The following CYP3A4 variants were observed in gnomAD, a reference collection of about 807,000 sequenced individuals.
The protein encoded by CYP3A4 is cytochrome P450 family 3 subfamily A member 4, also known as cytochrome P450 3A4.
A neutral mutation model predicts 54.9 loss-of-function variants in CYP3A4; 41 were observed. That is an observed-to-expected ratio of 0.75 (90% CI 0.58 to 0.97). The LOEUF (loss-of-function observed/expected upper bound fraction) is 0.97, where lower values mean the gene tolerates loss of function less well. CYP3A4 is among the 50% of genes least tolerant of loss of function. CYP3A4 has a pLI of 0.00. For synonymous variants in CYP3A4, 179 were observed against 205.2 expected (o/e 0.87, Z 1.09); for missense variants, 510 against 597.3 (o/e 0.85, Z 1.52).
At chr7:99,768,708 G>C in intron 6 of CYP3A4, among the ~76,000 whole-genome samples, 1 of 152,122 alleles carries the variant, frequency 6.6e-6, no homozygotes, top group South Asian at 2.1e-4. Context: ...GTGTGATGGA[G>C]ACACTGAACT....
chr7:99,768,444 C>A lies in CYP3A4; in HGVS notation c.580G>T (p.Asp194Tyr), dbSNP rs548684407. 1 of 1,613,996 alleles carries A rather than the reference C, an allele frequency of 6.2e-7. No individual in the cohort carries two copies. Residue 194 changes from aspartate (D) to tyrosine (Y), a missense_variant, in exon 7 of 13, where the codon GAC (aspartate) becomes TAC (tyrosine). Transcript: ENST00000651514. ...ITSTSFGVNI[D>Y]SLNNPQDPFV... ...GGGTCTTGTGGATTGTTGAGAGAGT[C>A]GATGTTCACTCCAAATGATGTGCTA...
chr7:99,777,923 A>G, intron 3 of CYP3A4, 105 bp downstream of exon 3: 2 of 870,186 alleles, frequency 2.3e-6, no homozygotes, highest in South Asian at 2.9e-5. Context: ...TTAGGTTGAC[A>G]AGAGCTTCAT....
chr7:99,762,974 G>A (rs1328006665), intron 10 of CYP3A4, among the ~76,000 whole-genome samples: 2 of 152,210 alleles, frequency 1.3e-5, no homozygotes, highest in Non-Finnish European at 2.9e-5. Flanking sequence ...AACAGTGTGG[G>A]TGATATGCAC....
chr7:99,782,338 A>G (rs1815946706), intron 1 of CYP3A4, among the ~76,000 whole-genome samples: 1 of 152,134 alleles, frequency 6.6e-6, no homozygotes, highest in African/African-American at 2.4e-5. Context: ...TCTGTTTGGT[A>G]GAGTAATGCT....
chr7:99,776,242 G>C (rs1028593224), intron 3 of CYP3A4, among the ~76,000 whole-genome samples: 1 of 152,178 alleles, frequency 6.6e-6, no homozygotes, highest in Non-Finnish European at 1.5e-5. Flanking sequence ...TTACACTGTT[G>C]GTGGGAGTGT....
chr7:99,762,783 G>T (rs1047226283), intron 10 of CYP3A4, among the ~76,000 whole-genome samples: 1 of 152,098 alleles, frequency 6.6e-6, no homozygotes, highest in Non-Finnish European at 1.5e-5. Context: ...TTATAAAGAG[G>T]ATAGAACCCC....
chr7:99,779,283 C>A (rs7801671), intron 2 of CYP3A4, among the ~76,000 whole-genome samples: 8,781 of 151,866 alleles, frequency 0.058, 856 homozygotes, highest in African/African-American at 0.2. Context: ...TTTGATTGAC[C>A]ACCACTGTCT....
chr7:99,761,139 G>A (rs1639548165), intron 11 of CYP3A4, among the ~76,000 whole-genome samples, 158 bp from the exon 12 acceptor site: 2 of 152,220 alleles, frequency 1.3e-5, no homozygotes, highest in Non-Finnish European at 2.9e-5. Context: ...ATTTTGCTAT[G>A]AGAATTGTAA....
chr7:99,777,880 T>A (rs1815811908), intron 3 of CYP3A4, 148 bp downstream of exon 3: 2 of 705,434 alleles, frequency 2.8e-6, no homozygotes, highest in Non-Finnish European at 5.0e-6. Context: ...AATAAATATC[T>A]TCTTCTTTCA....
rs151203800 is a variant in CYP3A4 at position 99,780,741 on chromosome 7, T to C, written c.72-656A>G. ...GTGCTCAAGGCTTCCATTGACCTCA[T>C]AGAAATGTGAGCAGCTTTCAGCTAC... On this transcript the variant is annotated intron_variant, in intron 1 of 12. Transcript: ENST00000651514. Among the ~76,000 whole-genome samples, 337 of 152,324 alleles carry C rather than the reference T, an allele frequency of 2.2e-3. 2 individuals carry two copies. The highest frequency in any genetic ancestry group is 6.5e-3 in the African/African-American group (271 of 41,576).
intron 7 of CYP3A4, 37 bp from the exon 8 acceptor site, chr7:99,767,295 T>G (rs1554436358): frequency 6.5e-7 from 1 of 1,542,514 alleles, no homozygotes; most frequent in Non-Finnish European, 8.7e-7. Flanking sequence ...AAAAAGAAAT[T>G]CATTGTGAAT....
intron 3 of CYP3A4, among the ~76,000 whole-genome samples, chr7:99,775,754 GGCAA>G (rs1215834936): frequency 3.3e-5 from 5 of 152,010 alleles, no homozygotes; most frequent in African/African-American, 1.2e-4. Flanking sequence ...AGAAAACCTG[GGCAA>G]TACCATTCAG....
At position 99,772,688 on chromosome 7, in the gene CYP3A4, A is replaced by T; in HGVS notation, c.220T>A (p.Phe74Ile). 1 of 1,613,108 alleles carries T rather than the reference A, an allele frequency of 6.2e-7. No individual in the cohort carries two copies. Among genetic ancestry groups the T allele is most frequent in the African/African-American group, 1.3e-5 (1 of 75,006 alleles). The change falls in exon 4 of 13, where the codon TTT (phenylalanine) becomes ATT (isoleucine). Residue 74 changes from phenylalanine to isoleucine, a missense_variant and splice_region_variant. By Grantham distance (21) the Phe-to-Ile change is conservative (BLOSUM62 0). Transcript: ENST00000651514. ...AGCACAGGCTGTTGACCATCATAAA[A>T]GCTGTGTGAAAAAAACAGAGTTGAT... ...CHKKYGKVWG[F>I]YDGQQPVLAI...
At chr7:99,763,833 T>C in intron 10 of CYP3A4, 22 bp downstream of exon 10, 1 of 1,613,576 alleles carries the variant, frequency 6.2e-7, no homozygotes, top group Non-Finnish European at 8.5e-7. Flanking sequence ...CCTCCCTCCT[T>C]CTCCATGTAC....
chr7:99,780,183 C>A (rs781405272), intron 1 of CYP3A4, 98 bp from the exon 2 acceptor site: 6 of 1,230,122 alleles, frequency 4.9e-6, no homozygotes, highest in Non-Finnish European at 5.9e-6. Context: ...CTCAAGAGAA[C>A]GAGGTAACAT....
intron 1 of CYP3A4, among the ~76,000 whole-genome samples, chr7:99,780,550 C>G (rs1187133021): frequency 1.3e-5 from 2 of 152,196 alleles, no homozygotes; most frequent in Non-Finnish European, 2.9e-5. Flanking sequence ...CAGAGGGTCA[C>G]TGAGAGCCTA....
chr7:99,764,815 G>C (rs1392633762), intron 9 of CYP3A4, among the ~76,000 whole-genome samples: 6 of 152,212 alleles, frequency 3.9e-5, no homozygotes, highest in Non-Finnish European at 7.3e-5. Context: ...AGTGGTAATT[G>C]ATTGTAGTCT....
chr7:99,767,713 C>T (rs1275792361), intron 7 of CYP3A4, among the ~76,000 whole-genome samples: 1 of 152,136 alleles, frequency 6.6e-6, no homozygotes, highest in Non-Finnish European at 1.5e-5. Flanking sequence ...AATTGAGAAA[C>T]TCACACATAT....
At chr7:99,763,266 C>T (rs1373720322) in intron 10 of CYP3A4, among the ~76,000 whole-genome samples, 2 of 152,160 alleles carry the variant, frequency 1.3e-5, no homozygotes, top group Non-Finnish European at 2.9e-5. Flanking sequence ...TTCGAGACGG[C>T]TCTCACCCCA....
Sources: allele counts gnomAD v4.1 joint callset (sites outside exome capture counted in the v4.1 genomes callset), GRCh38; gene constraint gnomAD v4.1.1; transcripts MANE v1.5; gene names NCBI Gene and HGNC (gene_info 2026-07-23, HGNC 2026-07-21).